The following NPAS3 variants were observed in gnomAD, a reference collection of about 807,000 sequenced individuals.
NPAS3 encodes neuronal PAS domain-containing protein 3.
In NPAS3, 14 loss-of-function variants were observed where a neutral mutation model predicts 73.1. That is an observed-to-expected ratio of 0.19 (90% CI 0.13 to 0.30). NPAS3 has a LOEUF of 0.30. Among genes scored for constraint, NPAS3 ranks in the 10% least tolerant of loss-of-function variants. NPAS3 has a pLI of 1.00. For missense variants in NPAS3, 1,096 were observed against 1,250.0 expected (o/e 0.88, Z 1.86); for synonymous variants, 620 against 541.5 (o/e 1.14, Z -2.01).
At chr14:33,558,429 T>C (rs1368225820) in intron 4 of NPAS3, among the ~76,000 whole-genome samples, 1 of 152,120 alleles carries the variant, frequency 6.6e-6, no homozygotes, top group Non-Finnish European at 1.5e-5. Flanking sequence ...CAGCTAATTT[T>C]TGTATTTTTA....
chr14:33,628,475 G>A (rs779685658), intron 5 of NPAS3, among the ~76,000 whole-genome samples: 9 of 152,218 alleles, frequency 5.9e-5, no homozygotes, highest in Non-Finnish European at 8.8e-5. Context: ...ACTTAAGACT[G>A]CCGTCAGTAC....
chr14:33,550,598 G>A (rs1010389890), intron 4 of NPAS3, among the ~76,000 whole-genome samples: 7 of 152,240 alleles, frequency 4.6e-5, no homozygotes, highest in Non-Finnish European at 7.3e-5. Flanking sequence ...GGCAGCGTAC[G>A]CTGGTCCTTC....
At chr14:33,495,176 T>A (rs2052111278) in intron 4 of NPAS3, among the ~76,000 whole-genome samples, 1 of 152,098 alleles carries the variant, frequency 6.6e-6, no homozygotes, top group Non-Finnish European at 1.5e-5. Context: ...GTACATTGTG[T>A]CTTTGTTCTC....
chr14:33,319,352 A>C (rs1390937801), intron 3 of NPAS3, among the ~76,000 whole-genome samples: 2 of 152,130 alleles, frequency 1.3e-5, no homozygotes, highest in Non-Finnish European at 2.9e-5. Flanking sequence ...TGATGGGAGA[A>C]GCAACAAATA....
At chr14:33,184,076 A>G (rs973884940) in intron 2 of NPAS3, among the ~76,000 whole-genome samples, 3 of 152,090 alleles carry the variant, frequency 2.0e-5, no homozygotes, top group Admixed American at 6.6e-5. Context: ...CAGTACCCTG[A>G]GCTATAGTTC....
intron 2 of NPAS3, among the ~76,000 whole-genome samples, chr14:33,132,734 A>G (rs1185305278): frequency 2.0e-5 from 3 of 152,184 alleles, no homozygotes; most frequent in Non-Finnish European, 2.9e-5. Context: ...AGATGATTGG[A>G]TACCTTAATT....
At chr14:33,485,719 C>T (rs550801656) in intron 4 of NPAS3, among the ~76,000 whole-genome samples, 2 of 152,160 alleles carry the variant, frequency 1.3e-5, no homozygotes, top group African/African-American at 4.8e-5. Flanking sequence ...TGGAAAACTA[C>T]AGAATGTCAG....
intron 2 of NPAS3, among the ~76,000 whole-genome samples, chr14:33,159,197 C>T (rs759707325): frequency 2.6e-5 from 4 of 151,894 alleles, no homozygotes; most frequent in Non-Finnish European, 4.4e-5. Flanking sequence ...AATTAAAAAC[C>T]AAAATATTAC....
chr14:33,792,967 C>T (rs971746853), intron 9 of NPAS3, among the ~76,000 whole-genome samples: 5 of 152,236 alleles, frequency 3.3e-5, no homozygotes, highest in African/African-American at 1.2e-4. Context: ...CCCTTTTAAA[C>T]CATTCCCATC....
At chr14:33,272,112 T>A (rs941999510) in intron 3 of NPAS3, among the ~76,000 whole-genome samples, 6 of 152,206 alleles carry the variant, frequency 3.9e-5, no homozygotes, top group African/African-American at 1.4e-4. Flanking sequence ...TGTAATCTTT[T>A]TTCTCCTGCC....
chr14:33,706,683 G>C (rs930530250), intron 6 of NPAS3, among the ~76,000 whole-genome samples: 3 of 152,250 alleles, frequency 2.0e-5, no homozygotes, highest in Admixed American at 6.5e-5. Flanking sequence ...TGCCAAGCAT[G>C]AACTTATTCA....
At chr14:32,984,384 GTTACGTAAATACAAAC>G (rs2038017072) in intron 1 of NPAS3, among the ~76,000 whole-genome samples, 1 of 152,092 alleles carries the variant, frequency 6.6e-6, no homozygotes, top group South Asian at 2.1e-4. Context: ...CTCAAATAGG[GTTACGTAAATACAAAC>G]TTACTTTGGG....
chr14:33,014,209 A>T (rs1328918761), intron 1 of NPAS3, among the ~76,000 whole-genome samples: 1 of 152,160 alleles, frequency 6.6e-6, no homozygotes, highest in Admixed American at 6.5e-5. Context: ...CTGTCACATT[A>T]TTTGGGGAGG....
chr14:33,737,534 G>A (rs41372945), intron 7 of NPAS3, among the ~76,000 whole-genome samples: 7,241 of 152,074 alleles, frequency 0.048, 611 homozygotes, highest in African/African-American at 0.17. Context: ...GTCTCCAGCC[G>A]ATGCCCTACT....
At chr14:32,990,905 T>C (rs749245505) in intron 1 of NPAS3, among the ~76,000 whole-genome samples, 1 of 150,638 alleles carries the variant, frequency 6.6e-6, no homozygotes, top group Non-Finnish European at 1.5e-5. Flanking sequence ...CCAGCTTGGG[T>C]AACAGAGATG....
At chr14:33,135,043 G>A (rs137866363) in intron 2 of NPAS3, among the ~76,000 whole-genome samples, 10 of 152,100 alleles carry the variant, frequency 6.6e-5, no homozygotes, top group East Asian at 1.9e-4. Context: ...ATTATGTCTC[G>A]CCAATTATTA....
chr14:33,382,583 TA>T, intron 4 of NPAS3, among the ~76,000 whole-genome samples: 1 of 152,306 alleles, frequency 6.6e-6, no homozygotes, highest in East Asian at 1.9e-4. Context: ...CAAGCATTTA[TA>T]GCTTGTTATA....
chr14:33,440,115 C>CAAA lies in NPAS3; in HGVS notation c.468+72861_468+72863dup, dbSNP rs368527118. Among the ~76,000 whole-genome samples, 125 of 110,158 alleles carry CAAA rather than the reference C, an allele frequency of 1.1e-3. 1 individual carries two copies. The highest frequency in any genetic ancestry group is 0.01 in the Middle Eastern group (2 of 198). 72.3% of individuals were successfully genotyped at this position (110,158 alleles called of 152,430 possible). ...TGGGCAACAGAGTGACAGTCTGTCT[C>CAAA]AAAAAAAAAAAAAAAAGAAAAAAGA... is the stretch of plus-strand genomic sequence containing the variant. On this transcript the variant is annotated intron_variant, in intron 4 of 11. Coordinates refer to ENST00000356141, the Ensembl canonical transcript of NPAS3.
At chr14:33,060,601 G>A (rs973749522) in intron 2 of NPAS3, among the ~76,000 whole-genome samples, 6 of 152,152 alleles carry the variant, frequency 3.9e-5, no homozygotes, top group Non-Finnish European at 1.5e-5. Flanking sequence ...TCCATCCTTT[G>A]GAACCCCATC....
Sources: gnomAD v4.1 joint callset for allele counts (sites outside exome capture counted in the v4.1 genomes callset) on GRCh38, gnomAD v4.1.1 for gene constraint, MANE v1.5 for transcripts, NCBI Gene and HGNC (gene_info 2026-07-23, HGNC 2026-07-21) for gene names.